MCM5: variants seen among roughly 807,000 people sequenced by gnomAD.
The protein encoded by MCM5 is minichromosome maintenance complex component 5.
A neutral mutation model predicts 79.9 loss-of-function variants in MCM5; 46 were observed. The ratio of observed to expected loss-of-function variants is 0.58; its 90% CI spans 0.45 to 0.74. The LOEUF (loss-of-function observed/expected upper bound fraction) is 0.74. MCM5 is among the 30% of genes least tolerant of loss of function. The pLI is 0.00. For synonymous variants in MCM5, 404 were observed against 390.5 expected, an observed-to-expected ratio of 1.03 and a Z score of -0.41; for missense variants, 883 against 1,017.0, an observed-to-expected ratio of 0.87 and a Z score of 1.79.
At position 35,403,528 on chromosome 22, in the gene MCM5, A is replaced by G. The variant is rs1183586495; in HGVS notation, c.409A>G (p.Ile137Val). 1 of 1,613,848 alleles carries G rather than the reference A, an allele frequency of 6.2e-7. No individual in the cohort carries two copies. Among genetic ancestry groups the G allele is most frequent in the Non-Finnish European group, 8.5e-7 (1 of 1,180,040 alleles). The change falls in exon 4 of 17, where the codon ATT becomes GTT. Residue 137 changes from isoleucine (I) to valine (V), a missense_variant. This residue lies in a region of MCM5 where 455 missense variants were observed against 517.5 expected (regional missense o/e 0.88). Coordinates refer to ENST00000216122, the MANE Select transcript of MCM5 (RefSeq NM_006739.4). ...CAAGTCGGACGCCAGCCCTTCCAGC[A>G]TTCGTAGCCTGAAGGTGGGTCGGAG... ...MLKSDASPSS[I>V]RSLKSDMMSH...
chr22:35,437,522 T>C, the MCM5 span, among the ~76,000 whole-genome samples: 1 of 152,216 alleles, frequency 6.6e-6, no homozygotes, highest in Non-Finnish European at 1.5e-5. Flanking sequence ...TGGATCCAGC[T>C]AAGCCTGAAG....
chr22:35,412,339 C>G (rs757509621), intron 7 of MCM5, among the ~76,000 whole-genome samples, 171 bp from the exon 8 acceptor site: 1 of 152,242 alleles, frequency 6.6e-6, no homozygotes, highest in Non-Finnish European at 1.5e-5. Flanking sequence ...CAGGCCCATT[C>G]CTGAGGGCTT....
At chr22:35,439,062 T>TCCA in the MCM5 span, among the ~76,000 whole-genome samples, 1 of 145,974 alleles carries the variant, frequency 6.9e-6, no homozygotes, top group Non-Finnish European at 1.5e-5. Context: ...CACCCACATA[T>TCCA]TCATCCATCC....
the MCM5 span, among the ~76,000 whole-genome samples, chr22:35,435,355 G>A: frequency 4.6e-5 from 7 of 152,134 alleles, no homozygotes; most frequent in South Asian, 6.2e-4. Flanking sequence ...TCTCAGGGCC[G>A]CGGTGGGGCC....
At chr22:35,417,146 A>G (rs1383127741) in intron 12 of MCM5, among the ~76,000 whole-genome samples, 1 of 152,198 alleles carries the variant, frequency 6.6e-6, no homozygotes, top group South Asian at 2.1e-4. Flanking sequence ...TGGTTAGTAA[A>G]TTTTTCAAAG....
At chr22:35,402,763 T>G (rs1932097648) in intron 2 of MCM5, among the ~76,000 whole-genome samples, 1 of 152,180 alleles carries the variant, frequency 6.6e-6, no homozygotes, top group Non-Finnish European at 1.5e-5. Context: ...AGGCTGGTGT[T>G]GAACTCCTGG....
the MCM5 span, among the ~76,000 whole-genome samples, chr22:35,441,165 G>A: frequency 3.3e-5 from 5 of 152,228 alleles, no homozygotes; most frequent in African/African-American, 1.2e-4. Flanking sequence ...TTGTGCAGAA[G>A]AGTCTGGAAA....
chr22:35,427,427 T>C (rs1932785102), downstream of MCM5, among the ~76,000 whole-genome samples: 1 of 152,206 alleles, frequency 6.6e-6, no homozygotes, highest in East Asian at 1.9e-4. Flanking sequence ...GAAGGTTTTA[T>C]GTTTTTGGGT....
intron 4 of MCM5, among the ~76,000 whole-genome samples, chr22:35,404,148 TC>T (rs1416247437): frequency 2.0e-5 from 3 of 151,338 alleles, no homozygotes; most frequent in Admixed American, 6.6e-5. Context: ...TGACACTTTA[TC>T]CCGAAAAAAA....
intron 11 of MCM5, 58 bp downstream of exon 11, chr22:35,416,462 C>A: frequency 6.4e-7 from 1 of 1,568,284 alleles, no homozygotes. Context: ...CCCAACCGTC[C>A]TCAGGCTGCC....
chr22:35,451,656 CT>C, the MCM5 span, among the ~76,000 whole-genome samples: 2 of 152,240 alleles, frequency 1.3e-5, no homozygotes, highest in Non-Finnish European at 2.9e-5. Context: ...CACTTTGCCC[CT>C]GTCTTTGTTA....
the MCM5 span, among the ~76,000 whole-genome samples, chr22:35,435,090 G>C: frequency 6.6e-6 from 1 of 152,188 alleles, no homozygotes; most frequent in Non-Finnish European, 1.5e-5. Context: ...GGTGGAGGTT[G>C]CAGTGAGCTG....
Position 35,423,263 on chromosome 22 carries a change from C to T in MCM5, c.2025C>T (p.Ile675=), listed in dbSNP as rs563110160. The T allele has an allele frequency of 8.7e-6, 14 of 1,606,220 alleles. No homozygotes were observed. The highest frequency in any genetic ancestry group is 6.7e-5 in the African/African-American group (5 of 74,818). Residue 675 remains isoleucine (I), a synonymous_variant, in exon 16 of 17, where the codon ATC becomes ATT. Transcript: ENST00000216122. ...SQEDQEMLSR[I]EKQLKRRFAI... Reference sequence around the variant, plus strand: ...AGGACCAGGAGATGCTGAGCCGCATCGAGAAGCAGCTCAAGCGCCGCTTTG... The same window carrying T: ...AGGACCAGGAGATGCTGAGCCGCATTGAGAAGCAGCTCAAGCGCCGCTTTG...
At chr22:35,449,813 ACT>A in the MCM5 span, among the ~76,000 whole-genome samples, 64 of 152,102 alleles carry the variant, frequency 4.2e-4, no homozygotes, top group African/African-American at 1.5e-3. Flanking sequence ...ACAGGGTCTC[ACT>A]CTGTCTCCCA....
At chr22:35,430,589 G>A in the MCM5 span, among the ~76,000 whole-genome samples, 1 of 148,736 alleles carries the variant, frequency 6.7e-6, no homozygotes, top group African/African-American at 2.5e-5. Flanking sequence ...TGCAACCTCC[G>A]CCTGCCAGTT....
intron 4 of MCM5, among the ~76,000 whole-genome samples, chr22:35,405,925 C>T (rs540342465): frequency 6.6e-5 from 10 of 151,482 alleles, no homozygotes; most frequent in African/African-American, 1.9e-4. Flanking sequence ...GCAGGAGAAT[C>T]GCTTGAACCC....
chr22:35,421,592 G>A, intron 15 of MCM5, 132 bp downstream of exon 15: 1 of 1,310,358 alleles, frequency 7.6e-7, no homozygotes, highest in South Asian at 1.2e-5. Context: ...GCTTCTCTGA[G>A]TTTCTTTTTG....
intron 1 of MCM5, 22 bp downstream of exon 1, chr22:35,400,230 C>A (rs929862443): frequency 1.7e-6 from 1 of 594,810 alleles, no homozygotes. Context: ...GGGAGTGGGA[C>A]TGGGACTGGG....
At chr22:35,434,334 T>C in the MCM5 span, among the ~76,000 whole-genome samples, 1 of 151,334 alleles carries the variant, frequency 6.6e-6, no homozygotes, top group Non-Finnish European at 1.5e-5. Context: ...TGATGATACA[T>C]CTTCTACACA....
Sources: gnomAD v4.1 joint callset for allele counts (sites outside exome capture counted in the v4.1 genomes callset) on GRCh38, gnomAD v4.1.1 for gene constraint, gnomAD v4.1.1 regional missense constraint, MANE v1.5 for transcripts, NCBI Gene and HGNC (gene_info 2026-07-23, HGNC 2026-07-21) for gene names.